Variants in DZIP3 observed in about 807,000 individuals in gnomAD.
The protein encoded by DZIP3 is E3 ubiquitin-protein ligase DZIP3.
A neutral mutation model predicts 162.0 loss-of-function variants in DZIP3; 118 were observed. The ratio of observed to expected loss-of-function variants is 0.73; its 90% CI spans 0.63 to 0.85. The LOEUF (loss-of-function observed/expected upper bound fraction) is 0.85, where lower values mean the gene tolerates loss of function less well. DZIP3 is among the 40% of genes least tolerant of loss of function. The probability of loss-of-function intolerance (pLI) is 0.00; values close to 1 mark genes in which losing one functional copy is unlikely to be tolerated. For synonymous variants in DZIP3, 438 were observed against 458.6 expected, an observed-to-expected ratio of 0.96 and a Z score of 0.57; for missense variants, 1,331 against 1,407.0, an observed-to-expected ratio of 0.95 and a Z score of 0.86.
intron 19 of DZIP3, 112 bp downstream of exon 19, chr3:108,654,422 A>G: frequency 8.4e-7 from 1 of 1,186,872 alleles, no homozygotes. Flanking sequence ...ACTGTTTGTG[A>G]GGAGAAAGAG....
chr3:108,630,515 T>C (rs531177246), intron 8 of DZIP3, among the ~76,000 whole-genome samples: 3 of 152,228 alleles, frequency 2.0e-5, no homozygotes, highest in African/African-American at 7.2e-5. Context: ...ATAGAATATT[T>C]TAATATACTT....
At chr3:108,674,217 T>C (rs1944020344) in intron 24 of DZIP3, 36 bp downstream of exon 24, 2 of 1,543,852 alleles carry the variant, frequency 1.3e-6, no homozygotes, top group Middle Eastern at 1.7e-4. Flanking sequence ...ATCTTAATTT[T>C]AGAGATGTTA....
At chr3:108,686,397 C>T in intron 27 of DZIP3, 48 bp from the exon 28 acceptor site, 1 of 1,463,878 alleles carries the variant, frequency 6.8e-7, no homozygotes, top group East Asian at 2.4e-5. Context: ...AGGAATGTCA[C>T]TTCTTAATAA....
At chr3:108,617,047 T>G (rs1024718399) in intron 5 of DZIP3, among the ~76,000 whole-genome samples, 1 of 152,200 alleles carries the variant, frequency 6.6e-6, no homozygotes, top group African/African-American at 2.4e-5. Flanking sequence ...GTCATTTGAA[T>G]GTGGAATCTA....
In DZIP3 at chr3:108,688,928, A is replaced by G. The variant is rs1559789365; in HGVS notation, c.3516+4A>G. ...CGCTCACAAATTCCATGCTCAGGTA[A>G]CACTTTAAATTTTCCCATTAATCAG... On this transcript the variant is annotated splice_donor_region_variant and intron_variant, in intron 31 of 32. Transcript: ENST00000361582. The G allele has an allele frequency of 2.5e-6, 4 of 1,613,786 alleles. No homozygotes were observed. In the South Asian group the frequency reaches 3.3e-5, roughly 13 times the overall value.
chr3:108,657,763 C>T (rs1464810774), intron 19 of DZIP3, among the ~76,000 whole-genome samples: 1 of 152,108 alleles, frequency 6.6e-6, no homozygotes, highest in African/African-American at 2.4e-5. Context: ...TGCAGAGACA[C>T]ACATAGGCTC....
At chr3:108,660,857 A>T (rs1340309038) in intron 19 of DZIP3, among the ~76,000 whole-genome samples, 4 of 152,222 alleles carry the variant, frequency 2.6e-5, no homozygotes, top group African/African-American at 9.6e-5. Context: ...AAGAACACAT[A>T]TATGCAGCCA....
intron 14 of DZIP3, among the ~76,000 whole-genome samples, chr3:108,645,397 A>G (rs761435820): frequency 9.2e-5 from 14 of 152,222 alleles, no homozygotes; most frequent in Non-Finnish European, 1.8e-4. Flanking sequence ...TTTAGTTTAC[A>G]ATTTTAGCAG....
chr3:108,589,526 A>G, upstream of DZIP3: 2 of 539,826 alleles, frequency 3.7e-6, no homozygotes, highest in Non-Finnish European at 6.6e-6. Context: ...TAGGCACCCT[A>G]GGGGACCGTT....
chr3:108,651,974 A>G (rs976383885), intron 18 of DZIP3, among the ~76,000 whole-genome samples: 6 of 151,394 alleles, frequency 4.0e-5, no homozygotes, highest in Non-Finnish European at 5.9e-5. Flanking sequence ...CACTTGGTAT[A>G]TAAAATAGTT....
intron 5 of DZIP3, among the ~76,000 whole-genome samples, chr3:108,622,151 C>T (rs949421701): frequency 6.6e-6 from 1 of 152,058 alleles, no homozygotes; most frequent in African/African-American, 2.4e-5. Context: ...TGCATGTTCT[C>T]ACTCATTTTT....
rs866788055 is a variant in DZIP3, at chr3:108,677,510, A to C, written c.2795A>C (p.Glu932Ala). The change falls in exon 26 of 33, where the codon GAA becomes GCA. Residue 932 changes from glutamate (E) to alanine (A), a missense_variant. Glu to Ala is a moderately radical substitution (Grantham distance 107). Around this residue, in one of 2 missense-constraint regions of DZIP3, gnomAD observed 1,278 missense variants for 1,317.1 expected, o/e 0.97. Transcript: ENST00000361582. The part of the protein sequence containing the change: ...KIAFLRTQYN[E>A]QINKVKQGFA... Reference sequence around the variant, plus strand: ...TTCTTCTACCAGACACAGTACAATGAACAAATAAACAAAGTCAAGCAAGGA... The same window carrying C: ...TTCTTCTACCAGACACAGTACAATGCACAAATAAACAAAGTCAAGCAAGGA... 1 of 1,612,376 alleles carries C rather than the reference A, an allele frequency of 6.2e-7. No homozygotes were observed. The highest frequency in any genetic ancestry group is 1.3e-5 in the African/African-American group (1 of 74,814).
At chr3:108,618,920 G>T (rs940185902) in intron 5 of DZIP3, among the ~76,000 whole-genome samples, 1 of 151,774 alleles carries the variant, frequency 6.6e-6, no homozygotes, top group African/African-American at 2.4e-5. Context: ...AATTAGCCAG[G>T]TGTGGTGGCA....
chr3:108,625,939 G>C lies in DZIP3; in HGVS notation c.551G>C (p.Gly184Ala). 6.2e-7 allele frequency: 1 copy of C among 1,613,400 alleles called. No homozygotes were observed. Among genetic ancestry groups the C allele is most frequent in the Non-Finnish European group, 8.5e-7 (1 of 1,179,806 alleles). The change falls in exon 7 of 33, where the codon GGA (glycine) becomes GCA (alanine). Residue 184 changes from glycine to alanine, a missense_variant. Around this residue, in one of 2 missense-constraint regions of DZIP3, gnomAD observed 1,278 missense variants for 1,317.1 expected, o/e 0.97. Coordinates refer to ENST00000361582, the MANE Select transcript of DZIP3 (RefSeq NM_014648.4). ...CENFMSLVYF[G>A]RGLLRCAQKR... ...AACTTTATGTCTTTAGTTTATTTTG[G>C]ACGTGGTTTACTGCGATGTGCTCAA...
chr3:108,634,785 TA>T, intron 9 of DZIP3, 85 bp from the exon 10 acceptor site: 1 of 650,428 alleles, frequency 1.5e-6, no homozygotes, highest in Non-Finnish European at 2.4e-6. Context: ...AATTATAGAA[TA>T]ATTTTTAAAG....
At chr3:108,610,007 G>A (rs1940610288) in intron 3 of DZIP3, among the ~76,000 whole-genome samples, 1 of 151,930 alleles carries the variant, frequency 6.6e-6, no homozygotes, top group East Asian at 1.9e-4. Flanking sequence ...CTTTATAAGG[G>A]GTTTTTCTAG....
At chr3:108,678,289 T>C (rs1944185578) in intron 26 of DZIP3, among the ~76,000 whole-genome samples, 2 of 151,888 alleles carry the variant, frequency 1.3e-5, no homozygotes, top group Non-Finnish European at 2.9e-5. Context: ...TATATTACAA[T>C]GTAATAATAC....
chr3:108,660,675 AG>A (rs1559766510), intron 19 of DZIP3, among the ~76,000 whole-genome samples: 1 of 152,216 alleles, frequency 6.6e-6, no homozygotes, highest in Non-Finnish European at 1.5e-5. Flanking sequence ...GCACAGCAAA[AG>A]AAACTACCAT....
rs1399422123 is a variant in DZIP3, at chr3:108,650,587, A to G, written c.2008-550A>G. ...CCTTTATAGTTTTATTTTAATGAAC[A>G]TAAAATTTAGGGCTTTTAAGATTTT... On this transcript the variant is annotated intron_variant, in intron 17 of 32. Transcript: ENST00000361582. 3.3e-5 allele frequency among the ~76,000 whole-genome samples: 5 copies of G among 151,946 alleles called. No homozygotes were observed. In the South Asian group the frequency reaches 1.0e-3, roughly 31 times the overall value.
Sources: allele counts gnomAD v4.1 joint callset (sites outside exome capture counted in the v4.1 genomes callset), GRCh38; gene constraint gnomAD v4.1.1; regional missense constraint gnomAD v4.1.1; transcripts MANE v1.5; gene names NCBI Gene and HGNC (gene_info 2026-07-23, HGNC 2026-07-21).